Variants in ZNF92 observed in about 807,000 individuals in gnomAD.
ZNF92 encodes zinc finger protein 92.
A neutral mutation model predicts 12.4 loss-of-function variants in ZNF92; 11 were observed. The observed-to-expected ratio is 0.89, with a 90% CI of 0.56 to 1.47. ZNF92 has a LOEUF of 1.47. Ranked by LOEUF, ZNF92 falls within the 40% of genes most tolerant of loss-of-function variation. The pLI, the probability that ZNF92 is intolerant of heterozygous loss-of-function variation, is 0.00. For missense variants in ZNF92, 622 were observed against 681.0 expected (o/e 0.91, Z 0.96); for synonymous variants, 206 against 228.6 (o/e 0.90, Z 0.89).
Position 65,399,279 on chromosome 7 carries a change from A to G in ZNF92, c.1165A>G (p.Arg389Gly). The change falls in exon 4 of 4, where the codon AGA (arginine) becomes GGA (glycine). Residue 389 changes from arginine to glycine, a missense_variant. Arg to Gly is a moderately radical substitution (Grantham distance 125). Transcript: ENST00000328747. ...GTCCTCAACCCTTACTAAACATAAA[A>G]GAATTCATACGGGAGAAAAACCCTA... ...NQSSTLTKHK[R>G]IHTGEKPYKC... 6.2e-7 allele frequency: 1 copy of G among 1,612,698 alleles called. No homozygotes were observed. Among genetic ancestry groups the G allele is most frequent in the Middle Eastern group, 1.7e-4 (1 of 6,056 alleles).
intron 3 of ZNF92, among the ~76,000 whole-genome samples, chr7:65,389,742 C>T (rs1197406154): frequency 6.6e-6 from 1 of 151,054 alleles, no homozygotes; most frequent in African/African-American, 2.4e-5. Flanking sequence ...GTCTTGATCT[C>T]TTGACCTTGT....
chr7:65,391,637 T>G (rs915238422), intron 3 of ZNF92, among the ~76,000 whole-genome samples: 2 of 152,096 alleles, frequency 1.3e-5, no homozygotes, highest in Admixed American at 6.6e-5. Context: ...AAAATAAAAA[T>G]TTTTTCTTTA....
At chr7:65,374,136 C>T (rs1433077952) in intron 1 of ZNF92, 136 bp downstream of exon 1, 3 of 1,253,000 alleles carry the variant, frequency 2.4e-6, no homozygotes, top group Non-Finnish European at 3.4e-6. Context: ...TGGCGCAGCT[C>T]GGCCCTCAGT....
intron 1 of ZNF92, among the ~76,000 whole-genome samples, chr7:65,378,741 CAA>C (rs35355370): frequency 0.26 from 36,986 of 145,006 alleles, 5,942 homozygotes; most frequent in Non-Finnish European, 0.35. Flanking sequence ...GACTCCGTCT[CAA>C]AAAAAAAAAA....
intron 3 of ZNF92, among the ~76,000 whole-genome samples, chr7:65,395,784 T>G (rs989906191): frequency 1.3e-5 from 2 of 152,184 alleles, no homozygotes; most frequent in African/African-American, 4.8e-5. Context: ...ATGTCTGATA[T>G]AATTATGACT....
intron 3 of ZNF92, among the ~76,000 whole-genome samples, chr7:65,397,267 A>G (rs996078473): frequency 2.6e-4 from 39 of 151,942 alleles, no homozygotes; most frequent in African/African-American, 8.2e-4. Context: ...AATTGTGCTT[A>G]TATATGTGTT....
At chr7:65,395,517 C>T (rs1181748783) in intron 3 of ZNF92, among the ~76,000 whole-genome samples, 1 of 152,076 alleles carries the variant, frequency 6.6e-6, no homozygotes, top group Non-Finnish European at 1.5e-5. Flanking sequence ...CTTCAAACCT[C>T]ATGCTGCGAT....
intron 1 of ZNF92, among the ~76,000 whole-genome samples, chr7:65,381,297 G>A (rs986086585): frequency 2.6e-5 from 4 of 151,966 alleles, no homozygotes; most frequent in Non-Finnish European, 5.9e-5. Flanking sequence ...ACAGGTGTGA[G>A]GCACCACACC....
At chr7:65,391,867 CAT>C (rs1409678922) in intron 3 of ZNF92, among the ~76,000 whole-genome samples, 1 of 152,090 alleles carries the variant, frequency 6.6e-6, no homozygotes, top group Non-Finnish European at 1.5e-5. Context: ...ACTTGCCTTC[CAT>C]GAGTACACAG....
chr7:65,382,893 A>T (rs1417355402), intron 1 of ZNF92, among the ~76,000 whole-genome samples: 2 of 152,094 alleles, frequency 1.3e-5, no homozygotes, highest in Non-Finnish European at 2.9e-5. Context: ...TTAAAACGAG[A>T]CCACAATTGT....
chr7:65,379,585 A>G (rs974280641), intron 1 of ZNF92, among the ~76,000 whole-genome samples: 3 of 151,688 alleles, frequency 2.0e-5, no homozygotes, highest in Non-Finnish European at 4.4e-5. Context: ...ATGTGCACAC[A>G]CTCCTCCCAG....
At chr7:65,377,990 C>A (rs954867001) in intron 1 of ZNF92, among the ~76,000 whole-genome samples, 1 of 152,094 alleles carries the variant, frequency 6.6e-6, no homozygotes, top group East Asian at 1.9e-4. Flanking sequence ...TTTAGGCAGA[C>A]AAGGGCTTTC....
chr7:65,375,762 C>T lies in ZNF92; in HGVS notation c.3+1762C>T, dbSNP rs189529433. On this transcript the variant is annotated intron_variant, in intron 1 of 3. Transcript: ENST00000328747. ...ACTCGGGAGGCTGAGGCAGGGGAAT[C>T]GCTTGAACCCGGGAGAGGGAGATTG... Among the ~76,000 whole-genome samples the T allele has an allele frequency of 4.5e-3, 684 of 151,746 alleles. 5 individuals are homozygous for T. Among genetic ancestry groups the T allele is most frequent in the African/African-American group, 0.016 (648 of 41,400 alleles).
intron 1 of ZNF92, 129 bp downstream of exon 1, chr7:65,374,129 C>A: frequency 7.7e-7 from 1 of 1,304,974 alleles, no homozygotes; most frequent in South Asian, 1.3e-5. Context: ...TTCTCCTTGG[C>A]GCAGCTCGGC....
intron 3 of ZNF92, among the ~76,000 whole-genome samples, chr7:65,396,964 T>A (rs1012224129): frequency 6.6e-6 from 1 of 152,086 alleles, no homozygotes; most frequent in African/African-American, 2.4e-5. Context: ...TACGTCAAAA[T>A]TTGAAAGTTC....
rs780522993 is a variant in ZNF92, at chr7:65,378,697, G to A, written c.3+4697G>A. Among the ~76,000 whole-genome samples, 203 of 151,684 alleles carry A rather than the reference G, an allele frequency of 1.3e-3. 1 individual carries two copies. The highest frequency in any genetic ancestry group is 2.3e-3 in the Non-Finnish European group (156 of 67,948). The stretch of plus-strand genomic sequence containing the variant: ...GCAGAGCTTGCGGTGAGCCGAGATC[G>A]TGCCACTGCACTCCAGCCTGGGCGA... On this transcript the variant is annotated intron_variant, in intron 1 of 3. Transcript: ENST00000328747.
In ZNF92 at chr7:65,373,876, T is replaced by A; in HGVS notation, c.-122T>A. 4 of 1,399,850 alleles carry A rather than the reference T, an allele frequency of 2.9e-6. No individual in the cohort carries two copies. The highest frequency in any genetic ancestry group is 3.0e-6 in the Non-Finnish European group (3 of 987,396). 86.7% of individuals were successfully genotyped at this position (1,399,850 alleles called of 1,614,324 possible). A position where few individuals can be genotyped will look rare whatever the true frequency, so the allele number is the denominator to read the frequency against. On this transcript the variant is annotated 5_prime_UTR_variant, in exon 1 of 4. Transcript: ENST00000328747. ...CTTTGTCTCTCGCTGCAGCCGGCGC[T>A]CCACGTCTAGTCTTCACTGCTCTGC... is the stretch of plus-strand genomic sequence containing the variant.
chr7:65,396,265 TTG>T (rs1364270099), intron 3 of ZNF92, among the ~76,000 whole-genome samples: 1 of 152,104 alleles, frequency 6.6e-6, no homozygotes, highest in Admixed American at 6.6e-5. Flanking sequence ...TTCATTGTTA[TTG>T]TTTCTTGTGT....
At position 65,398,818 on chromosome 7, in the gene ZNF92, G is replaced by T; in HGVS notation, c.704G>T (p.Gly235Val). Residue 235 changes from glycine to valine, a missense_variant, in exon 4 of 4, where the codon GGC becomes GTC. By Grantham distance (109) the Gly-to-Val change is moderately radical. Coordinates refer to ENST00000328747, the MANE Select transcript of ZNF92 (RefSeq NM_152626.4). ...AAACCCTACAAATGTGAAGAATGTG[G>T]CAAAGCTTTTAACCGGTCCTCAAAT... ...GEKPYKCEEC[G>V]KAFNRSSNLT... 6.2e-7 allele frequency: 1 copy of T among 1,612,756 alleles called. No individual in the cohort carries two copies. The highest frequency in any genetic ancestry group is 8.5e-7 in the Non-Finnish European group (1 of 1,179,740).
Sources: allele counts gnomAD v4.1 joint callset (sites outside exome capture counted in the v4.1 genomes callset), GRCh38; gene constraint gnomAD v4.1.1; transcripts MANE v1.5; gene names NCBI Gene and HGNC (gene_info 2026-07-23, HGNC 2026-07-21).